Variants in TTC32 observed in about 807,000 individuals in gnomAD.
TTC32 encodes tetratricopeptide repeat domain 32, also known as tetratricopeptide repeat protein 32.
TTC32 carries 16 observed loss-of-function variants against 15.3 expected under a neutral mutation model. That is an observed-to-expected ratio of 1.05 (90% confidence interval 0.71 to 1.59). The LOEUF is 1.59. TTC32 is among the 40% of genes most tolerant of loss of function. TTC32 has a pLI of 0.00. For synonymous variants in TTC32, 89 were observed against 67.8 expected, an observed-to-expected ratio of 1.31 and a Z score of -1.53; for missense variants, 188 against 181.9, an observed-to-expected ratio of 1.03 and a Z score of -0.19.
intron 1 of TTC32, chr2:19,898,238 TACC>T (rs527717119): frequency 4.4e-6 from 2 of 452,532 alleles, no homozygotes; most frequent in Non-Finnish European, 7.8e-6. Flanking sequence ...TGTAGGGTTA[TACC>T]ACTGCAATGT....
At chr2:19,900,266 GCTTT>G (rs1461688055) in intron 1 of TTC32, among the ~76,000 whole-genome samples, 3 of 152,108 alleles carry the variant, frequency 2.0e-5, no homozygotes, top group African/African-American at 4.8e-5. Flanking sequence ...GAATAGTTTC[GCTTT>G]CTATGTTTAC....
rs541411651 is a variant in TTC32, at chr2:19,901,087, G to A, written c.149+619C>T. The A allele has an allele frequency of 3.2e-4, 153 of 471,296 alleles. 1 individual carries two copies. The highest frequency in any genetic ancestry group is 3.0e-3 in the African/African-American group (151 of 50,180). The allele number at this position is 471,296 out of a possible 1,614,324, so 29.2% of individuals were successfully genotyped here. A position where few individuals can be genotyped will look rare whatever the true frequency, so the allele number is the denominator to read the frequency against. On this transcript the variant is annotated intron_variant, in intron 1 of 2. Transcript: ENST00000333610. ...ACGACTTGATATTAAGTAACTATGT[G>A]ATGATGACATGGTGGTTCCTTCTGA...
chr2:19,899,004 C>G (rs1669556175), intron 1 of TTC32, among the ~76,000 whole-genome samples: 1 of 152,188 alleles, frequency 6.6e-6, no homozygotes, highest in Admixed American at 6.5e-5. Flanking sequence ...AAGTATAGTC[C>G]TCCGAAAGTA....
chr2:19,897,142 A>C lies in TTC32; in HGVS notation c.317-16T>G. 6.3e-7 allele frequency: 1 copy of C among 1,576,352 alleles called. No homozygotes were observed. Among genetic ancestry groups the C allele is most frequent in the South Asian group, 1.2e-5 (1 of 82,758 alleles). On this transcript the variant is annotated splice_polypyrimidine_tract_variant and intron_variant, in intron 2 of 2. Transcript: ENST00000333610. ...TCAAAATATCCTGTACCAGAACCCA[A>C]AAAATGGAAAAGAGAAAAGAAACCG...
At chr2:19,897,626 A>C (rs2103366327) in intron 2 of TTC32, among the ~76,000 whole-genome samples, 1 of 152,340 alleles carries the variant, frequency 6.6e-6, no homozygotes, top group Admixed American at 6.5e-5. Flanking sequence ...ACAAGCACAA[A>C]GTAATGGGGT....
At position 19,898,006 on chromosome 2, in the gene TTC32, G is replaced by C. The variant is rs545021052; in HGVS notation, c.179C>G (p.Ala60Gly). The C allele has an allele frequency of 6.3e-7, 1 of 1,593,094 alleles. No individual in the cohort carries two copies. The highest frequency in any genetic ancestry group is 1.3e-5 in the African/African-American group (1 of 74,400). The change falls in exon 2 of 3, where the codon GCA (alanine) becomes GGA (glycine). Residue 60 changes from alanine (A) to glycine (G), a missense_variant. Physicochemically the swap from Ala to Gly is moderately conservative, Grantham distance 60. Coordinates refer to ENST00000333610, the MANE Select transcript of TTC32 (RefSeq NM_001008237.3). ...SKCSPEDLAT[A>G]YNNRGQIKYF... is the part of the protein sequence containing the mutation. ...CTTGATTTGCCCCCTGTTGTTATAT[G>C]CAGTAGCCAAATCCTCAGGGCTGCA...
chr2:19,899,556 C>T (rs1185519703), intron 1 of TTC32, among the ~76,000 whole-genome samples: 1 of 151,124 alleles, frequency 6.6e-6, no homozygotes, highest in Non-Finnish European at 1.5e-5. Context: ...CAGTTGAAGC[C>T]GAAATTTTCT....
At chr2:19,898,298 G>T (rs1461819722) in intron 1 of TTC32, 4 of 316,360 alleles carry the variant, frequency 1.3e-5, no homozygotes, top group Non-Finnish European at 2.3e-5. Context: ...CTGCCAATTT[G>T]TTCTGCTGAA....
intron 1 of TTC32, chr2:19,898,263 G>A: frequency 2.6e-6 from 1 of 384,560 alleles, no homozygotes; most frequent in South Asian, 7.1e-5. Flanking sequence ...AACCTGAAAA[G>A]CATACTAACT....
At chr2:19,900,974 T>C (rs1406670966) in intron 1 of TTC32, 4 of 419,200 alleles carry the variant, frequency 9.5e-6, no homozygotes, top group African/African-American at 4.2e-5. Context: ...TTAAAAAGAC[T>C]TGATGTGTAT....
chr2:19,901,749 G>A lies in TTC32; in HGVS notation c.106C>T (p.Arg36Cys). 1 of 1,613,552 alleles carries A rather than the reference G, an allele frequency of 6.2e-7. No individual in the cohort carries two copies. The highest frequency in any genetic ancestry group is 2.2e-5 in the East Asian group (1 of 44,838). ...CTGGAGGCCGCGCAAGCGCACCGGC[G>A]AATGTAAGCGGAGTACAGTGCCTCG... ...EAEALYSAYI[R>C]RCACAASSDE... is the part of the protein sequence containing the mutation. The change falls in exon 1 of 3, where the codon CGC becomes TGC. Residue 36 changes from arginine (R) to cysteine (C), a missense_variant. Arg to Cys is a radical substitution (Grantham distance 180). Coordinates refer to ENST00000333610, the MANE Select transcript of TTC32 (RefSeq NM_001008237.3).
intron 1 of TTC32, chr2:19,898,525 C>A (rs1382067201): frequency 6.6e-6 from 1 of 152,214 alleles, no homozygotes; most frequent in African/African-American, 2.4e-5. Context: ...CTAAAGTTAA[C>A]GCTAAGTGAA....
At chr2:19,899,408 T>A (rs942430554) in intron 1 of TTC32, among the ~76,000 whole-genome samples, 1 of 152,200 alleles carries the variant, frequency 6.6e-6, no homozygotes, top group Non-Finnish European at 1.5e-5. Flanking sequence ...ATTATTGTTA[T>A]AAGTTTTTAA....
At chr2:19,901,635 A>C in intron 1 of TTC32, 71 bp downstream of exon 1, 2 of 1,551,824 alleles carry the variant, frequency 1.3e-6, no homozygotes, top group Non-Finnish European at 1.7e-6. Flanking sequence ...AGAGGCAAAG[A>C]TAGGAGCCCA....
At position 19,897,173 on chromosome 2, in the gene TTC32, T is replaced by TTA. The variant is rs776171117; in HGVS notation, c.317-48_317-47insTA. 1.2e-5 allele frequency: 19 copies of TTA among 1,552,366 alleles called. No homozygotes were observed. In the South Asian group the frequency reaches 2.4e-4, roughly 19 times the overall value. On this transcript the variant is annotated intron_variant, in intron 2 of 2. Transcript: ENST00000333610. Reference sequence around the variant, plus strand: ...GGAAAAGAGAAAAGAAACCGAGTATTTCTATATATTATTCATGGAAAAGCT... The same window carrying TTA: ...GGAAAAGAGAAAAGAAACCGAGTATTTATCTATATATTATTCATGGAAAAGCT...
At chr2:19,898,190 G>A in intron 1 of TTC32, 155 bp from the exon 2 acceptor site, 1 of 639,608 alleles carries the variant, frequency 1.6e-6, no homozygotes, top group Non-Finnish European at 2.4e-6. Flanking sequence ...CAAATAAAGA[G>A]CTAAAATCAA....
At chr2:19,901,295 A>C in intron 1 of TTC32, 1 of 298,238 alleles carries the variant, frequency 3.4e-6, no homozygotes, top group Non-Finnish European at 6.7e-6. Context: ...CGCAGCCGTG[A>C]CCCCTTCCCT....
intron 1 of TTC32, among the ~76,000 whole-genome samples, chr2:19,898,783 G>A (rs1558311877): frequency 6.6e-6 from 1 of 152,230 alleles, no homozygotes; most frequent in Non-Finnish European, 1.5e-5. Flanking sequence ...CAGCCAGGTA[G>A]CTCTGACCAG....
chr2:19,901,886 G>C lies in TTC32; in HGVS notation c.-32C>G. The C allele has an allele frequency of 6.2e-7, 1 of 1,612,932 alleles. No individual in the cohort carries two copies. The highest frequency in any genetic ancestry group is 8.5e-7 in the Non-Finnish European group (1 of 1,179,370). Reference sequence around the variant, plus strand: ...CAAGGCCTAGTTTTCGGTGTAGAATGGGGGTTGACCTCCGAGCGGTTAGAG... The same window carrying C: ...CAAGGCCTAGTTTTCGGTGTAGAATCGGGGTTGACCTCCGAGCGGTTAGAG... On this transcript the variant is annotated 5_prime_UTR_variant, in exon 1 of 3. Transcript: ENST00000333610.
Sources: allele counts gnomAD v4.1 joint callset (sites outside exome capture counted in the v4.1 genomes callset), GRCh38; gene constraint gnomAD v4.1.1; transcripts MANE v1.5; gene names NCBI Gene and HGNC (gene_info 2026-07-23, HGNC 2026-07-21).